GPA33: variants seen among roughly 807,000 people sequenced by gnomAD.
GPA33 encodes cell surface A33 antigen.
In GPA33, 27 loss-of-function variants were observed where a neutral mutation model predicts 35.6. The observed-to-expected ratio is 0.76, with a 90% CI of 0.56 to 1.04. The LOEUF (loss-of-function observed/expected upper bound fraction) is 1.04, where lower values mean the gene tolerates loss of function less well. Among genes scored for constraint, GPA33 ranks in the 50% least tolerant of loss-of-function variants. GPA33 has a pLI of 0.00. For missense variants in GPA33, 428 were observed against 411.9 expected (o/e 1.04, Z -0.34); for synonymous variants, 176 against 164.0 (o/e 1.07, Z -0.56).
intron 4 of GPA33, among the ~76,000 whole-genome samples, chr1:167,063,075 C>G (rs190048479): frequency 6.6e-6 from 1 of 152,232 alleles, no homozygotes; most frequent in Non-Finnish European, 1.5e-5. Flanking sequence ...TTCCGCTACG[C>G]GCTTTACATG....
chr1:167,088,823 A>G (rs1667104858), intron 1 of GPA33, among the ~76,000 whole-genome samples: 1 of 152,198 alleles, frequency 6.6e-6, no homozygotes, highest in African/African-American at 2.4e-5. Context: ...CTTCTGGCTT[A>G]CCAGGAGAAG....
Position 167,077,170 on chromosome 1 carries a change from C to T in GPA33, c.44-3631G>A, listed in dbSNP as rs546049589. Among the ~76,000 whole-genome samples, 678 of 151,466 alleles carry T rather than the reference C, an allele frequency of 4.5e-3. 5 individuals carry two copies. Among genetic ancestry groups the T allele is most frequent in the Non-Finnish European group, 6.7e-3 (457 of 67,876 alleles). On this transcript the variant is annotated intron_variant, in intron 1 of 6. Transcript: ENST00000367868. ...GCAGTGAGCTGAGATTGCACCACTGCACTCCAACCTGGGCAACAGAGCAAG... is the reference window on the plus strand; with the variant it reads ...GCAGTGAGCTGAGATTGCACCACTGTACTCCAACCTGGGCAACAGAGCAAG...
chr1:167,088,773 G>A (rs1158331212), intron 1 of GPA33, among the ~76,000 whole-genome samples: 2 of 152,150 alleles, frequency 1.3e-5, no homozygotes, highest in Non-Finnish European at 2.9e-5. Context: ...CAAGTGTGGG[G>A]ATATGTGTTG....
chr1:167,083,727 G>A lies in GPA33; in HGVS notation c.43+6518C>T, dbSNP rs368806259. ...AAATATAAGCAGGAGTGAACCTTGA[G>A]AAAATAGGAGAAGAGATGTGAGGGA... On this transcript the variant is annotated intron_variant, in intron 1 of 6. Transcript: ENST00000367868. Among the ~76,000 whole-genome samples the A allele has an allele frequency of 2.6e-5, 4 of 152,264 alleles. No homozygotes were observed. In the South Asian group the frequency reaches 8.3e-4, roughly 32 times the overall value.
chr1:167,069,613 T>C (rs1277057983), intron 2 of GPA33, among the ~76,000 whole-genome samples: 1 of 152,256 alleles, frequency 6.6e-6, no homozygotes, highest in African/African-American at 2.4e-5. Context: ...GATTGATTGA[T>C]AGACTCATCA....
In GPA33 at chr1:167,055,100, C is replaced by T. The variant is rs747676758; in HGVS notation, c.703G>A (p.Val235Met). 5.0e-6 allele frequency: 8 copies of T among 1,612,552 alleles called. No individual in the cohort carries two copies. Among genetic ancestry groups the T allele is most frequent in the South Asian group, 2.2e-5 (2 of 91,048 alleles). The change falls in exon 6 of 7, where the codon GTG becomes ATG. Residue 235 changes from valine to methionine, a missense_variant. By Grantham distance (21) the Val-to-Met change is conservative (BLOSUM62 1). Transcript: ENST00000367868. ...ACCGCGATGCCCACATACAGGGCCA[C>T]GTTCATGGAGGCTGCAAGAGGACAG... Reference protein sequence around the residue: ...TVAVRSPSMNVALYVGIAVGV... With the variant: ...TVAVRSPSMNMALYVGIAVGV...
chr1:167,055,758 G>C lies in GPA33; in HGVS notation c.663C>G (p.Phe221Leu). 6.2e-7 allele frequency: 1 copy of C among 1,614,104 alleles called. No individual in the cohort carries two copies. Among genetic ancestry groups the C allele is most frequent in the Non-Finnish European group, 8.5e-7 (1 of 1,179,974 alleles). Residue 221 changes from phenylalanine (F) to leucine (L), a missense_variant, in exon 5 of 7, where the codon TTC (phenylalanine) becomes TTG (leucine). By Grantham distance (22) the Phe-to-Leu change is conservative. Transcript: ENST00000367868. ...ATCTGACGGCCACCGTGATGTTGCA[G>C]AACTGCGTCCCCTCCTCATTGCTGG... ...CTSSNEEGTQ[F>L]CNITVAVRSP...
At chr1:167,061,505 A>G (rs993434747) in intron 4 of GPA33, among the ~76,000 whole-genome samples, 2 of 151,734 alleles carry the variant, frequency 1.3e-5, no homozygotes, top group Admixed American at 6.6e-5. Context: ...AACCAGAAAT[A>G]CGTAAACACA....
At chr1:167,079,301 T>C (rs911676390) in intron 1 of GPA33, among the ~76,000 whole-genome samples, 1 of 152,080 alleles carries the variant, frequency 6.6e-6, no homozygotes, top group Non-Finnish European at 1.5e-5. Context: ...GAGACCAGCC[T>C]GAGTAACAAG....
At chr1:167,087,847 C>T (rs1010935980) in intron 1 of GPA33, among the ~76,000 whole-genome samples, 8 of 150,906 alleles carry the variant, frequency 5.3e-5, no homozygotes, top group Middle Eastern at 6.8e-3. Context: ...ACCTGGGAGG[C>T]GGAGGTTGCA....
chr1:167,082,394 G>A, intron 1 of GPA33: 1 of 440,888 alleles, frequency 2.3e-6, no homozygotes, highest in Non-Finnish European at 4.5e-6. Context: ...AGCCTATTTT[G>A]TCAGGAGCTC....
chr1:167,074,183 T>C (rs1356375147), intron 1 of GPA33, among the ~76,000 whole-genome samples: 1 of 151,786 alleles, frequency 6.6e-6, no homozygotes, highest in East Asian at 1.9e-4. Context: ...CCACGTGATG[T>C]TGACTCTCCT....
chr1:167,054,451 A>C lies in GPA33; in HGVS notation c.843T>G (p.Tyr281Ter). The C allele has an allele frequency of 6.2e-7, 1 of 1,613,878 alleles. No homozygotes were observed. Among genetic ancestry groups the C allele is most frequent in the African/African-American group, 1.3e-5 (1 of 74,940 alleles). Reference sequence around the variant, plus strand: ...CTCTTAGCTGCTCTGGTGGCTCCTCATAGGCTTCCCGGTTCCTGCAGGGCA... The same window carrying C: ...CTCTTAGCTGCTCTGGTGGCTCCTCCTAGGCTTCCCGGTTCCTGCAGGGCA... Reference protein sequence around the residue: ...KEDARPNREAYEEPPEQLREL... With the variant: ...KEDARPNREA Residue 281 changes from tyrosine to a stop codon, truncating the protein, a stop_gained, in exon 7 of 7, where the codon TAT becomes TAG. Coordinates refer to ENST00000367868, the MANE Select transcript of GPA33 (RefSeq NM_005814.3). LOFTEE classifies it low-confidence loss of function (END_TRUNC).
intron 1 of GPA33, chr1:167,082,234 A>T (rs989512075): frequency 2.2e-6 from 1 of 455,806 alleles, no homozygotes; most frequent in Non-Finnish European, 4.4e-6. Flanking sequence ...TACAGTATTA[A>T]TAACAGTTAC....
chr1:167,077,233 A>G (rs970204357), intron 1 of GPA33, among the ~76,000 whole-genome samples: 2 of 152,022 alleles, frequency 1.3e-5, no homozygotes, highest in Admixed American at 6.6e-5. Context: ...AAGAAAACAC[A>G]TTAGTCATCA....
intron 3 of GPA33, among the ~76,000 whole-genome samples, chr1:167,067,668 G>A (rs971976163): frequency 1.3e-5 from 2 of 152,146 alleles, no homozygotes; most frequent in African/African-American, 4.8e-5. Flanking sequence ...AATGTTAACA[G>A]CCTGAATATT....
intron 4 of GPA33, among the ~76,000 whole-genome samples, chr1:167,057,950 G>A (rs985224615): frequency 6.6e-6 from 1 of 152,218 alleles, no homozygotes; most frequent in African/African-American, 2.4e-5. Flanking sequence ...TGTAATCCCA[G>A]CACCTTGGGA....
intron 1 of GPA33, among the ~76,000 whole-genome samples, chr1:167,076,570 T>C (rs1234100595): frequency 1.3e-5 from 2 of 152,230 alleles, no homozygotes; most frequent in African/African-American, 4.8e-5. Context: ...GGGTTGTTCA[T>C]ACTTCATTAA....
intron 1 of GPA33, among the ~76,000 whole-genome samples, chr1:167,074,329 C>T (rs1347828165): frequency 6.6e-6 from 1 of 151,868 alleles, no homozygotes; most frequent in Non-Finnish European, 1.5e-5. Context: ...GCGATGCTCA[C>T]CCTGGAAAAC....
Sources: allele counts gnomAD v4.1 joint callset (sites outside exome capture counted in the v4.1 genomes callset), GRCh38; gene constraint gnomAD v4.1.1; transcripts MANE v1.5; gene names NCBI Gene and HGNC (gene_info 2026-07-23, HGNC 2026-07-21).